Variants in HP1BP3 observed in about 807,000 individuals in gnomAD.
HP1BP3 encodes the protein heterochromatin protein 1-binding protein 3.
In HP1BP3, 12 loss-of-function variants were observed where a neutral mutation model predicts 62.5. That is an observed-to-expected ratio of 0.19 (90% confidence interval 0.12 to 0.31). The LOEUF (loss-of-function observed/expected upper bound fraction) is 0.31, where lower values mean the gene tolerates loss of function less well. HP1BP3 is among the 10% of genes least tolerant of loss of function. HP1BP3 has a pLI of 1.00. For missense variants in HP1BP3, 502 were observed against 651.8 expected, an observed-to-expected ratio of 0.77 and a Z score of 2.50; for synonymous variants, 260 against 237.8, an observed-to-expected ratio of 1.09 and a Z score of -0.86.
In HP1BP3 at chr1:20,740,838, ATATAGT is replaced by A. The variant is rs2055061867; in HGVS notation, c.*3953_*3958del. 6.6e-6 allele frequency among the ~76,000 whole-genome samples: 1 copy of A among 152,246 alleles called. No individual in the cohort carries two copies. Among genetic ancestry groups the A allele is most frequent in the Non-Finnish European group, 1.5e-5 (1 of 68,040 alleles). ...TCTCAAAAAAATAATAAGTAAAAGA[ATATAGT>A]TATAAAGACGGTAGAGATTAATTTC... On this transcript the variant is annotated 3_prime_UTR_variant, in exon 13 of 13. Coordinates refer to ENST00000438032, the MANE Select transcript of HP1BP3 (RefSeq NM_001372052.1).
intron 8 of HP1BP3, among the ~76,000 whole-genome samples, chr1:20,760,203 T>C (rs2056385658): frequency 1.3e-5 from 2 of 152,064 alleles, no homozygotes; most frequent in Admixed American, 6.6e-5. Context: ...ACTGATTTTT[T>C]AACTGTGACG....
chr1:20,771,467 C>A (rs977095099), intron 5 of HP1BP3, among the ~76,000 whole-genome samples: 48 of 152,294 alleles, frequency 3.2e-4, no homozygotes, highest in Non-Finnish European at 6.2e-4. Flanking sequence ...AAGGAATGAG[C>A]ATGCCAGGAC....
At chr1:20,748,812 C>T (rs1337233848) in intron 10 of HP1BP3, among the ~76,000 whole-genome samples, 1 of 151,902 alleles carries the variant, frequency 6.6e-6, no homozygotes, top group African/African-American at 2.4e-5. Flanking sequence ...ATAATATATT[C>T]TGGATTGTCT....
Position 20,749,816 on chromosome 1 carries a change from T to C in HP1BP3, c.1048A>G (p.Ile350Val). ...SLMEYAILSA[I>V]AAMNEPKTCS... ...GTCTTCGGCTCATTCATGGCAGCAA[T>C]GGCAGACAAGATTGCATATTCCATC... Residue 350 changes from isoleucine to valine, a missense_variant, in exon 10 of 13, where the codon ATT (isoleucine) becomes GTT (valine). Transcript: ENST00000438032. 1 of 1,614,132 alleles carries C rather than the reference T, an allele frequency of 6.2e-7. No homozygotes were observed. The highest frequency in any genetic ancestry group is 8.5e-7 in the Non-Finnish European group (1 of 1,180,010).
chr1:20,769,511 T>C (rs898393742), intron 6 of HP1BP3, among the ~76,000 whole-genome samples: 10 of 152,006 alleles, frequency 6.6e-5, no homozygotes, highest in Non-Finnish European at 1.0e-4. Context: ...TGAGCTGACA[T>C]TGCACCTCTG....
At position 20,757,372 on chromosome 1, in the gene HP1BP3, ATTTTT is replaced by A. The variant is rs760873385; in HGVS notation, c.891-121_891-117del. Reference sequence around the variant, plus strand: ...AGTTCTGATTACTATTATTATTATTATTTTTTTTTTTTTTTTGAGGTGGAGTTTTG... The same window carrying A: ...AGTTCTGATTACTATTATTATTATTATTTTTTTTTTTGAGGTGGAGTTTTG... On this transcript the variant is annotated intron_variant, in intron 8 of 12. Transcript: ENST00000438032. 169 of 334,268 alleles carry A rather than the reference ATTTTT, an allele frequency of 5.1e-4. 2 individuals are homozygous for A. Among genetic ancestry groups the A allele is most frequent in the South Asian group, 2.3e-3 (32 of 14,070 alleles). The allele number at this position is 334,268 out of a possible 1,614,324, so 20.7% of individuals were successfully genotyped here.
At position 20,744,968 on chromosome 1, in the gene HP1BP3, T is replaced by C. The variant is rs778482506; in HGVS notation, c.1491A>G (p.Lys497=). The C allele has an allele frequency of 6.2e-6, 10 of 1,614,060 alleles. No individual in the cohort carries two copies. Among genetic ancestry groups the C allele is most frequent in the South Asian group, 3.3e-5 (3 of 91,090 alleles). The change falls in exon 13 of 13, where the codon AAA becomes AAG. Residue 497 remains lysine (K), a synonymous_variant. Coordinates refer to ENST00000438032, the MANE Select transcript of HP1BP3 (RefSeq NM_001372052.1). ...CAGGCGTTTTGGCCTTAGGAGGTGC[T>C]TTCTTAGGCAAGGGCCTAGCTTTCC... The part of the protein sequence containing the change: ...QRGKARPLPK[K]APPKAKTPAK...
At chr1:20,752,408 C>A (rs1339653967) in intron 9 of HP1BP3, among the ~76,000 whole-genome samples, 2 of 151,820 alleles carry the variant, frequency 1.3e-5, no homozygotes, top group Non-Finnish European at 2.9e-5. Flanking sequence ...GATTCTCCTG[C>A]GTCTACCTCC....
intron 8 of HP1BP3, among the ~76,000 whole-genome samples, chr1:20,758,961 G>A (rs1424164701): frequency 1.3e-5 from 2 of 151,994 alleles, no homozygotes; most frequent in Non-Finnish European, 2.9e-5. Context: ...CTGGGAGAGA[G>A]GTTTTGGTTG....
Position 20,749,136 on chromosome 1 carries a change from T to C in HP1BP3, c.1141+587A>G, listed in dbSNP as rs145694389. Among the ~76,000 whole-genome samples the C allele has an allele frequency of 2.8e-4, 42 of 152,300 alleles. 1 individual carries two copies. The East Asian group carries it at 6.8e-3, about 24-fold the overall frequency. Reference sequence around the variant, plus strand: ...AAATACACTATAATTTAGAGTTGCTTTGAACCTAGAGATTTATCTAAATTA... The same window carrying C: ...AAATACACTATAATTTAGAGTTGCTCTGAACCTAGAGATTTATCTAAATTA... On this transcript the variant is annotated intron_variant, in intron 10 of 12. Coordinates refer to ENST00000438032, the MANE Select transcript of HP1BP3 (RefSeq NM_001372052.1).
At chr1:20,780,741 CG>C (rs2057506018) in intron 1 of HP1BP3, among the ~76,000 whole-genome samples, 1 of 152,156 alleles carries the variant, frequency 6.6e-6, no homozygotes, top group Admixed American at 6.5e-5. Flanking sequence ...GCATAAGCCA[CG>C]GCAGCTGTTG....
intron 9 of HP1BP3, among the ~76,000 whole-genome samples, chr1:20,754,666 A>G (rs2055991031): frequency 6.6e-6 from 1 of 152,214 alleles, no homozygotes; most frequent in Admixed American, 6.5e-5. Flanking sequence ...GAATCCGGAA[A>G]TAAACCCTTA....
intron 6 of HP1BP3, 30 bp from the exon 7 acceptor site, chr1:20,767,694 T>C (rs371778808): frequency 7.0e-7 from 1 of 1,421,166 alleles, no homozygotes; most frequent in Non-Finnish European, 9.8e-7. Flanking sequence ...GTTATTCTAG[T>C]ATTCATAACT....
chr1:20,763,666 A>T (rs1307776049), intron 8 of HP1BP3, among the ~76,000 whole-genome samples: 1 of 152,232 alleles, frequency 6.6e-6, no homozygotes, highest in Non-Finnish European at 1.5e-5. Flanking sequence ...AATTTAAACA[A>T]ATTGATATAT....
intron 3 of HP1BP3, 85 bp downstream of exon 3, chr1:20,779,726 AC>A (rs963114650): frequency 1.1e-4 from 92 of 834,646 alleles, no homozygotes; most frequent in Middle Eastern, 5.8e-4. Flanking sequence ...AAAAAAAAAA[AC>A]AATTAAGTTC....
intron 11 of HP1BP3, 96 bp from the exon 12 acceptor site, chr1:20,745,752 T>C (rs933874793): frequency 2.8e-5 from 34 of 1,203,342 alleles, no homozygotes; most frequent in African/African-American, 6.1e-5. Flanking sequence ...ATCCCACTTC[T>C]TCCCACCCTT....
intron 3 of HP1BP3, among the ~76,000 whole-genome samples, chr1:20,777,519 G>A (rs868369307): frequency 6.6e-6 from 1 of 151,740 alleles, no homozygotes; most frequent in Non-Finnish European, 1.5e-5. Context: ...GTGCTGTGGC[G>A]CAATCTTGGC....
At chr1:20,752,841 A>T (rs1278043853) in intron 9 of HP1BP3, among the ~76,000 whole-genome samples, 1 of 152,244 alleles carries the variant, frequency 6.6e-6, no homozygotes, top group Non-Finnish European at 1.5e-5. Flanking sequence ...AGGAAGAACC[A>T]CATAATCCGT....
intron 3 of HP1BP3, among the ~76,000 whole-genome samples, chr1:20,777,765 G>A (rs555205830): frequency 2.0e-5 from 3 of 152,278 alleles, no homozygotes; most frequent in Non-Finnish European, 4.4e-5. Context: ...GCTATAAAGA[G>A]AATTTTAAAA....
Sources: allele counts gnomAD v4.1 joint callset (sites outside exome capture counted in the v4.1 genomes callset), GRCh38; gene constraint gnomAD v4.1.1; transcripts MANE v1.5; gene names NCBI Gene and HGNC (gene_info 2026-07-23, HGNC 2026-07-21).